GALK2: variants seen among roughly 807,000 people sequenced by gnomAD.
GALK2 encodes the protein galactokinase 2.
Under a neutral mutation model 52.4 loss-of-function variants are expected in GALK2, and 36 were observed. That is an observed-to-expected ratio of 0.69 (90% CI 0.53 to 0.91). The LOEUF is 0.91. Ranked by LOEUF, GALK2 falls within the 40% of genes least tolerant of loss-of-function variation. The probability of loss-of-function intolerance (pLI) is 0.00; values close to 1 mark genes in which losing one functional copy is unlikely to be tolerated. For synonymous variants in GALK2, 176 were observed against 199.1 expected (o/e 0.88, Z 0.98); for missense variants, 579 against 559.1 (o/e 1.04, Z -0.36).
chr15:49,192,525 A>ATATATATATATATG (rs1555400547), intron 1 of GALK2, among the ~76,000 whole-genome samples: 2 of 123,150 alleles, frequency 1.6e-5, no homozygotes, highest in African/African-American at 6.1e-5. Context: ...ATATATATAT[A>ATATATATATATATG]GTTGGAGGTG....
At chr15:49,155,800 A>G in exon 1 of GALK2, 1 of 692,900 alleles carries the variant, frequency 1.4e-6, no homozygotes, top group South Asian at 1.8e-5. Context: ...TAGCAACTAA[A>G]GCTGGCAACT....
At chr15:49,168,652 A>G (rs2084904232), upstream of GALK2, among the ~76,000 whole-genome samples, 3 of 151,024 alleles carry the variant, frequency 2.0e-5, no homozygotes, top group South Asian at 6.4e-4. Flanking sequence ...TGGGAGGTGG[A>G]GGTTGTAGTG....
At chr15:49,265,137 G>T (rs919393621) in intron 5 of GALK2, among the ~76,000 whole-genome samples, 1 of 152,190 alleles carries the variant, frequency 6.6e-6, no homozygotes, top group Non-Finnish European at 1.5e-5. Flanking sequence ...GTCTGCAGAG[G>T]TTACTGCTGT....
downstream of GALK2, chr15:49,335,311 C>T (rs772419136): frequency 2.8e-5 from 19 of 685,318 alleles, no homozygotes; most frequent in Non-Finnish European, 4.8e-5. Flanking sequence ...GATGCTCAGA[C>T]ATGACTCTCC....
intron 8 of GALK2, among the ~76,000 whole-genome samples, chr15:49,310,500 C>A (rs754171019): frequency 2.0e-5 from 3 of 152,160 alleles, no homozygotes; most frequent in Admixed American, 6.5e-5. Flanking sequence ...TACATTCGCA[C>A]CAACAGTGTA....
At chr15:49,293,999 C>G (rs2034197901) in intron 8 of GALK2, among the ~76,000 whole-genome samples, 1 of 151,786 alleles carries the variant, frequency 6.6e-6, no homozygotes, top group African/African-American at 2.4e-5. Flanking sequence ...AGTCAGGTGG[C>G]TGAGGCATGA....
In GALK2 at chr15:49,328,483, C is replaced by T; in HGVS notation, c.*324C>T. ...CTTAATACTGATTACATGGATTGGA[C>T]TTGAATTAAATATATTGTTACAATT... On this transcript the variant is annotated 3_prime_UTR_variant, in exon 10 of 10. Transcript: ENST00000560031. 1.3e-6 allele frequency: 2 copies of T among 1,554,690 alleles called. No individual in the cohort carries two copies. The highest frequency in any genetic ancestry group is 2.5e-5 in the South Asian group (2 of 81,198).
intron 8 of GALK2, among the ~76,000 whole-genome samples, chr15:49,293,848 C>G (rs927137391): frequency 2.4e-4 from 37 of 152,016 alleles, no homozygotes; most frequent in African/African-American, 8.5e-4. Context: ...GCCTGTAATT[C>G]CAGCACTTTG....
chr15:49,234,459 A>G (rs1481831020), intron 3 of GALK2, among the ~76,000 whole-genome samples: 4 of 152,184 alleles, frequency 2.6e-5, no homozygotes. Flanking sequence ...GTAATTATAA[A>G]GGAAAGAGGT....
At chr15:49,305,556 C>T (rs1022398186) in intron 8 of GALK2, among the ~76,000 whole-genome samples, 1 of 152,142 alleles carries the variant, frequency 6.6e-6, no homozygotes, top group Admixed American at 6.5e-5. Flanking sequence ...AGACCAGAGA[C>T]CACCTACATA....
At chr15:49,161,091 T>C (rs767993489) in intron 1 of GALK2, among the ~76,000 whole-genome samples, 74 of 152,346 alleles carry the variant, frequency 4.9e-4, no homozygotes, top group Admixed American at 9.8e-4. Flanking sequence ...TGATCACATA[T>C]ATGAAACTGC....
chr15:49,300,791 G>C (rs1014723685), intron 8 of GALK2, among the ~76,000 whole-genome samples: 4 of 152,130 alleles, frequency 2.6e-5, no homozygotes, highest in Middle Eastern at 3.2e-3. Context: ...ATGATTATAA[G>C]TTCCTGAGGC....
At chr15:49,221,995 G>A (rs1347707065) in intron 3 of GALK2, among the ~76,000 whole-genome samples, 3 of 152,116 alleles carry the variant, frequency 2.0e-5, no homozygotes, top group Non-Finnish European at 4.4e-5. Context: ...GCTTTGGGCA[G>A]TATGTTCATT....
intron 5 of GALK2, among the ~76,000 whole-genome samples, chr15:49,262,087 T>C (rs2092139281): frequency 6.6e-6 from 1 of 152,228 alleles, no homozygotes; most frequent in Admixed American, 6.5e-5. Context: ...CCTCATAAAA[T>C]GAGTTAGGGA....
At chr15:49,361,911 T>C (rs2044309278) in intron 3 of GALK2, among the ~76,000 whole-genome samples, 1 of 152,174 alleles carries the variant, frequency 6.6e-6, no homozygotes, top group Non-Finnish European at 1.5e-5. Flanking sequence ...GAATCTGTTA[T>C]TTTTTGACTT....
intron 7 of GALK2, among the ~76,000 whole-genome samples, chr15:49,283,975 A>G (rs1448132446): frequency 6.6e-6 from 1 of 152,194 alleles, no homozygotes; most frequent in Non-Finnish European, 1.5e-5. Context: ...GGTTAGGTCT[A>G]TGGGTGGAGA....
At chr15:49,274,995 CAT>C (rs1367580287) in intron 5 of GALK2, among the ~76,000 whole-genome samples, 1 of 152,010 alleles carries the variant, frequency 6.6e-6, no homozygotes, top group African/African-American at 2.4e-5. Context: ...AAGTAGAAGA[CAT>C]ATGCTCTAAA....
chr15:49,354,591 G>A (rs1170718173), intron 3 of GALK2, among the ~76,000 whole-genome samples: 1 of 152,184 alleles, frequency 6.6e-6, no homozygotes, highest in Non-Finnish European at 1.5e-5. Flanking sequence ...GGCTGGAAGG[G>A]TCCTACGCCC....
chr15:49,356,145 T>C (rs1420748454), intron 3 of GALK2, among the ~76,000 whole-genome samples: 1 of 151,678 alleles, frequency 6.6e-6, no homozygotes, highest in East Asian at 1.9e-4. Context: ...CATGCCAAAA[T>C]GTAAAGACCA....
Sources: allele counts gnomAD v4.1 joint callset (sites outside exome capture counted in the v4.1 genomes callset), GRCh38; gene constraint gnomAD v4.1.1; transcripts MANE v1.5; gene names NCBI Gene and HGNC (gene_info 2026-07-23, HGNC 2026-07-21).